The following TPO variants were observed in gnomAD, a reference collection of about 807,000 sequenced individuals.
TPO encodes the protein thyroid peroxidase, also known as thyroid microsomal antigen.
TPO carries 78 observed loss-of-function variants against 96.9 expected under a neutral mutation model. That is an observed-to-expected ratio of 0.81 (90% CI 0.67 to 0.97). TPO has a LOEUF of 0.97. Among genes scored for constraint, TPO ranks in the 50% least tolerant of loss-of-function variants. The probability of loss-of-function intolerance (pLI) is 0.00; values close to 1 mark genes in which losing one functional copy is unlikely to be tolerated. For synonymous variants in TPO, 547 were observed against 538.0 expected, an observed-to-expected ratio of 1.02 and a Z score of -0.23; for missense variants, 1,252 against 1,274.8, an observed-to-expected ratio of 0.98 and a Z score of 0.27.
chr2:1,401,033 G>A (rs1275475485), intron 1 of TPO, among the ~76,000 whole-genome samples: 2 of 144,824 alleles, frequency 1.4e-5, no homozygotes, highest in Non-Finnish European at 2.9e-5. Flanking sequence ...GTCTGTCCTT[G>A]TAGGTCTGGA....
At chr2:1,410,967 G>A (rs1376092541), upstream of TPO, among the ~76,000 whole-genome samples, 10 of 152,136 alleles carry the variant, frequency 6.6e-5, no homozygotes, top group African/African-American at 2.4e-4. Flanking sequence ...TTCTGACAGA[G>A]ACTGGGGGCT....
chr2:1,535,615 G>A lies in TPO; in HGVS notation c.2619-4979G>A, dbSNP rs185040571. Among the ~76,000 whole-genome samples the A allele has an allele frequency of 2.7e-3, 57 of 21,440 alleles. 6 individuals are homozygous for A. The highest frequency in any genetic ancestry group is 4.0e-3 in the Non-Finnish European group (48 of 11,940). The allele number at this position is 21,440 out of a possible 152,430, so 14.1% of individuals were successfully genotyped here. A position where few individuals can be genotyped will look rare whatever the true frequency, so the allele number is the denominator to read the frequency against. On this transcript the variant is annotated intron_variant, in intron 15 of 16. Coordinates refer to ENST00000329066, the MANE Select transcript of TPO (RefSeq NM_001206744.2). ...AGACCTCCTCAAATTGCCCCGCAGT[G>A]TACAACCTCCTCAAATCCTCCCTCG...
At chr2:1,521,462 C>A (rs1261478798) in intron 15 of TPO, among the ~76,000 whole-genome samples, 1 of 152,152 alleles carries the variant, frequency 6.6e-6, no homozygotes, top group Non-Finnish European at 1.5e-5. Flanking sequence ...ACCGGGTGCC[C>A]TCTTCCCCCA....
chr2:1,472,259 C>T (rs1669494442), intron 7 of TPO, among the ~76,000 whole-genome samples: 1 of 152,048 alleles, frequency 6.6e-6, no homozygotes, highest in Non-Finnish European at 1.5e-5. Flanking sequence ...TCTGAGTGCT[C>T]ATGGTGTGTC....
chr2:1,384,721 T>A (rs1413493116), intron 1 of TPO, among the ~76,000 whole-genome samples: 1 of 152,184 alleles, frequency 6.6e-6, no homozygotes, highest in Non-Finnish European at 1.5e-5. Flanking sequence ...CCTGCCTGAT[T>A]TCCCTGGCCA....
chr2:1,535,138 C>A (rs1357588777), intron 15 of TPO, among the ~76,000 whole-genome samples: 53 of 67,926 alleles, frequency 7.8e-4, no homozygotes, highest in African/African-American at 1.1e-3. Flanking sequence ...CTCTGTGCAA[C>A]CTCCCCAAAT....
chr2:1,441,075 T>G (rs1666144850), intron 5 of TPO, among the ~76,000 whole-genome samples: 1 of 150,898 alleles, frequency 6.6e-6, no homozygotes, highest in Non-Finnish European at 1.5e-5. Context: ...CTTGTTTGTA[T>G]GATCTAGTCA....
chr2:1,510,810 T>C (rs370141788), intron 14 of TPO, among the ~76,000 whole-genome samples: 15 of 152,238 alleles, frequency 9.9e-5, no homozygotes, highest in East Asian at 3.9e-4. Flanking sequence ...TCCGTGGTGA[T>C]TTACAGACTT....
intron 15 of TPO, among the ~76,000 whole-genome samples, chr2:1,532,775 G>C (rs1392955165): frequency 5.5e-5 from 1 of 18,150 alleles, no homozygotes; most frequent in East Asian, 2.5e-3. Context: ...CCCACTGTGA[G>C]CAACCTCCCC....
At chr2:1,467,137 C>T (rs1437025005) in intron 7 of TPO, among the ~76,000 whole-genome samples, 3 of 151,232 alleles carry the variant, frequency 2.0e-5, no homozygotes, top group African/African-American at 7.3e-5. Context: ...GAGTTTCGCT[C>T]TTGTTGCCCA....
chr2:1,386,586 A>G (rs572648022), intron 1 of TPO, among the ~76,000 whole-genome samples: 44 of 151,538 alleles, frequency 2.9e-4, no homozygotes, highest in Admixed American at 6.6e-4. Context: ...CCGTCCCTTT[A>G]TTTTGAGCCT....
chr2:1,381,079 G>T (rs1372973982), intron 1 of TPO, among the ~76,000 whole-genome samples: 4 of 152,176 alleles, frequency 2.6e-5, no homozygotes, highest in Non-Finnish European at 4.4e-5. Context: ...CACCCATCAA[G>T]GTAATACCAT....
chr2:1,398,129 C>T (rs1439255046), intron 1 of TPO, among the ~76,000 whole-genome samples: 1 of 152,218 alleles, frequency 6.6e-6, no homozygotes, highest in Non-Finnish European at 1.5e-5. Context: ...ATTCCTCCCT[C>T]ACTCAGGGAT....
At chr2:1,414,180 G>C (rs142425225) in intron 1 of TPO, among the ~76,000 whole-genome samples, 8 of 152,134 alleles carry the variant, frequency 5.3e-5, no homozygotes, top group Non-Finnish European at 1.2e-4. Context: ...CTCTGTTTTT[G>C]AATAATGGGG....
Position 1,436,344 on chromosome 2 carries a change from G to A in TPO, c.442G>A (p.Ala148Thr), listed in dbSNP as rs1256014312. ...CCCAAAATGCCCAAACACTTGCCTG[G>A]CGAACAAATACAGGCCCATCACAGG... ...LPPKCPNTCL[A>T]NKYRPITGAC... Residue 148 changes from alanine (A) to threonine (T), a missense_variant, in exon 5 of 17, where the codon GCG (alanine) becomes ACG (threonine). Physicochemically the swap from Ala to Thr is moderately conservative, Grantham distance 58. Transcript: ENST00000329066. The A allele has an allele frequency of 2.5e-6, 4 of 1,614,154 alleles. No homozygotes were observed. Among genetic ancestry groups the A allele is most frequent in the African/African-American group, 2.7e-5 (2 of 75,022 alleles).
chr2:1,502,672 G>C (rs772195575), intron 13 of TPO, among the ~76,000 whole-genome samples: 1 of 152,156 alleles, frequency 6.6e-6, no homozygotes, highest in African/African-American at 2.4e-5. Flanking sequence ...TTACAGGCAT[G>C]AGCCACCGGA....
intron 3 of TPO, among the ~76,000 whole-genome samples, chr2:1,428,252 C>T (rs1664629664): frequency 1.3e-5 from 2 of 152,182 alleles, no homozygotes; most frequent in Admixed American, 6.5e-5. Context: ...CGGAATGACC[C>T]ATGGCTGGGG....
intron 1 of TPO, among the ~76,000 whole-genome samples, chr2:1,390,560 G>A (rs1661984516): frequency 6.6e-6 from 1 of 152,160 alleles, no homozygotes; most frequent in Non-Finnish European, 1.5e-5. Context: ...TGGGATTGCT[G>A]GGTCAAATGG....
chr2:1,420,476 A>G (rs967994559), intron 2 of TPO, among the ~76,000 whole-genome samples: 14 of 152,196 alleles, frequency 9.2e-5, no homozygotes, highest in African/African-American at 3.4e-4. Context: ...TGGTACCTAA[A>G]GATCAGCAGG....
Sources: gnomAD v4.1 joint callset for allele counts (sites outside exome capture counted in the v4.1 genomes callset) on GRCh38, gnomAD v4.1.1 for gene constraint, MANE v1.5 for transcripts, NCBI Gene and HGNC (gene_info 2026-07-23, HGNC 2026-07-21) for gene names.